Variants in COLEC10 observed in about 807,000 individuals in gnomAD.
COLEC10 encodes the protein collectin subfamily member 10.
A neutral mutation model predicts 28.4 loss-of-function variants in COLEC10; 22 were observed. The ratio of observed to expected loss-of-function variants is 0.78; its 90% CI spans 0.55 to 1.11. The LOEUF is 1.11. COLEC10 is among the 50% of genes least tolerant of loss of function. COLEC10 has a pLI of 0.00. For synonymous variants in COLEC10, 125 were observed against 116.1 expected (o/e 1.08, Z -0.49); for missense variants, 361 against 344.1 (o/e 1.05, Z -0.39).
chr8:119,041,266 A>ATT (rs35593022), intron 2 of COLEC10, among the ~76,000 whole-genome samples: 1,871 of 150,492 alleles, frequency 0.012, 34 homozygotes, highest in African/African-American at 0.042. Flanking sequence ...TTGAAGCAGT[A>ATT]TTTTTTTTTT....
chr8:119,083,457 G>A (rs1040662046), intron 1 of COLEC10, among the ~76,000 whole-genome samples: 1 of 152,178 alleles, frequency 6.6e-6, no homozygotes, highest in African/African-American at 2.4e-5. Context: ...GAATGAGTAA[G>A]TGTGATTTCC....
Position 119,106,064 on chromosome 8 carries a change from A to AG in COLEC10, c.712dup (p.Glu238GlyfsTer9). The AG allele has an allele frequency of 1.2e-6, 2 of 1,613,892 alleles. No homozygotes were observed. The highest frequency in any genetic ancestry group is 1.7e-6 in the Non-Finnish European group (2 of 1,179,878). On this transcript the variant is annotated frameshift_variant, in exon 6 of 6. Coordinates refer to ENST00000332843, the MANE Select transcript of COLEC10 (RefSeq NM_006438.5). LOFTEE classifies it high-confidence loss of function. ...CTGCAGAACTATAGCAACTGGAATG[A>AG]GGGGGAACCCAGCGACCCCTATGGT...
At chr8:119,040,262 G>A (rs915133455) in intron 2 of COLEC10, among the ~76,000 whole-genome samples, 140 of 152,192 alleles carry the variant, frequency 9.2e-4, no homozygotes, top group African/African-American at 3.3e-3. Flanking sequence ...AATGACATAC[G>A]ACTTTAATTT....
At chr8:118,957,678 T>A in the COLEC10 span, among the ~76,000 whole-genome samples, 1 of 152,018 alleles carries the variant, frequency 6.6e-6, no homozygotes, top group African/African-American at 2.4e-5. Flanking sequence ...GTGGCTAGAG[T>A]GGAAGCAGGA....
chr8:119,041,920 A>T (rs1299304735), intron 2 of COLEC10, among the ~76,000 whole-genome samples: 6 of 152,068 alleles, frequency 3.9e-5, no homozygotes, highest in Non-Finnish European at 8.8e-5. Flanking sequence ...ATTTACTGGG[A>T]TTGTCACAGA....
chr8:119,003,867 A>G (rs1218579775), intron 1 of COLEC10, among the ~76,000 whole-genome samples: 1 of 152,070 alleles, frequency 6.6e-6, no homozygotes, highest in African/African-American at 2.4e-5. Context: ...GGTCCAGAGA[A>G]AACTAGTTTG....
chr8:118,990,393 G>A, the COLEC10 span, among the ~76,000 whole-genome samples: 1 of 152,074 alleles, frequency 6.6e-6, no homozygotes, highest in African/African-American at 2.4e-5. Context: ...ATGTGTAGCT[G>A]ATACAATTTG....
chr8:119,068,114 C>T (rs1815009556), intron 1 of COLEC10: 2 of 152,136 alleles, frequency 1.3e-5, no homozygotes, highest in Non-Finnish European at 2.9e-5. Context: ...AGCTTTCACC[C>T]TTTTGTTCTG....
chr8:119,023,111 T>TA (rs1814127429), intron 2 of COLEC10, among the ~76,000 whole-genome samples: 2 of 152,156 alleles, frequency 1.3e-5, no homozygotes, highest in Non-Finnish European at 2.9e-5. Context: ...CAATCAAGCT[T>TA]ACGCTGGCCA....
intron 2 of COLEC10, among the ~76,000 whole-genome samples, chr8:119,031,302 A>G (rs1448868669): frequency 6.6e-6 from 1 of 152,240 alleles, no homozygotes; most frequent in Admixed American, 6.5e-5. Context: ...GTTACCAATA[A>G]GAAGAACACA....
the COLEC10 span, among the ~76,000 whole-genome samples, chr8:118,984,155 A>T: frequency 0.1 from 19 of 190 alleles, no homozygotes; most frequent in African/African-American, 0.2. Flanking sequence ...ATAGTAATTA[A>T]AAAAAAAATG....
intron 2 of COLEC10, among the ~76,000 whole-genome samples, chr8:119,032,774 C>T (rs992128596): frequency 6.6e-6 from 1 of 152,104 alleles, no homozygotes; most frequent in Non-Finnish European, 1.5e-5. Context: ...TGCTGGCGGG[C>T]GCCTGTAGTC....
At chr8:118,991,956 G>A (rs1474792448), upstream of COLEC10, among the ~76,000 whole-genome samples, 1 of 151,970 alleles carries the variant, frequency 6.6e-6, no homozygotes, top group Non-Finnish European at 1.5e-5. Flanking sequence ...TCTTTCCTTG[G>A]ACTGTACATT....
chr8:119,075,195 T>G (rs1815203205), intron 1 of COLEC10, among the ~76,000 whole-genome samples: 1 of 152,230 alleles, frequency 6.6e-6, no homozygotes, highest in Non-Finnish European at 1.5e-5. Context: ...TCTCTTTCTC[T>G]CTTACGTCTC....
At chr8:119,051,526 TG>T (rs1814673047) in intron 2 of COLEC10, among the ~76,000 whole-genome samples, 1 of 152,138 alleles carries the variant, frequency 6.6e-6, no homozygotes, top group South Asian at 2.1e-4. Context: ...GTCTGAGACT[TG>T]ATCACAAGCA....
chr8:119,090,883 T>G (rs1815578346), intron 2 of COLEC10, among the ~76,000 whole-genome samples: 1 of 152,222 alleles, frequency 6.6e-6, no homozygotes, highest in East Asian at 1.9e-4. Flanking sequence ...TTAAACATCC[T>G]CTGCCATAGT....
At chr8:119,086,381 C>T (rs529330645) in intron 1 of COLEC10, among the ~76,000 whole-genome samples, 6 of 93,634 alleles carry the variant, frequency 6.4e-5, no homozygotes, top group East Asian at 3.9e-4. Flanking sequence ...GCCAGGTCGG[C>T]GGGGAGGTGG....
intron 2 of COLEC10, among the ~76,000 whole-genome samples, chr8:119,031,793 TAA>T (rs138365195): frequency 0.044 from 6,688 of 152,336 alleles, 213 homozygotes; most frequent in East Asian, 0.16. Flanking sequence ...AGATTTCTAT[TAA>T]GTTTTACTTG....
the COLEC10 span, among the ~76,000 whole-genome samples, chr8:118,961,330 T>G: frequency 6.6e-6 from 1 of 152,218 alleles, no homozygotes; most frequent in South Asian, 2.1e-4. Context: ...TTTCATGCAA[T>G]TCAAACCATT....
Sources: allele counts gnomAD v4.1 joint callset (sites outside exome capture counted in the v4.1 genomes callset), GRCh38; gene constraint gnomAD v4.1.1; transcripts MANE v1.5; gene names NCBI Gene and HGNC (gene_info 2026-07-23, HGNC 2026-07-21).